Variants in PTPRD observed in about 807,000 individuals in gnomAD.
PTPRD encodes the protein protein tyrosine phosphatase receptor type D, also known as receptor-type tyrosine-protein phosphatase delta.
PTPRD carries 34 observed loss-of-function variants against 214.5 expected under a neutral mutation model. The ratio of observed to expected loss-of-function variants is 0.16; its 90% CI spans 0.12 to 0.21. The LOEUF (loss-of-function observed/expected upper bound fraction) is 0.21, where lower values mean the gene tolerates loss of function less well. Among genes scored for constraint, PTPRD ranks in the 10% least tolerant of loss-of-function variants. PTPRD has a pLI of 1.00. For synonymous variants in PTPRD, 1,128 were observed against 845.7 expected (o/e 1.33, Z -5.79); for missense variants, 2,545 against 2,398.7 (o/e 1.06, Z -1.27).
intron 14 of PTPRD, among the ~76,000 whole-genome samples, chr9:8,592,909 T>C (rs951125848): frequency 4.6e-5 from 7 of 152,220 alleles, no homozygotes; most frequent in Non-Finnish European, 7.3e-5. Context: ...AGGTAGAGGT[T>C]TGACAGAAAG....
At chr9:10,553,139 T>A (rs1217931799) in intron 2 of PTPRD, among the ~76,000 whole-genome samples, 1 of 152,148 alleles carries the variant, frequency 6.6e-6, no homozygotes, top group African/African-American at 2.4e-5. Flanking sequence ...GTTATATTCC[T>A]GTCCATCCAG....
rs111248967 is a variant in PTPRD at position 10,454,810 on chromosome 9, T to TAC, written c.-599-113795_-599-113794dup. Among the ~76,000 whole-genome samples the TAC allele has an allele frequency of 9.9e-3, 1,483 of 150,146 alleles. 12 individuals are homozygous for TAC. Among genetic ancestry groups the TAC allele is most frequent in the African/African-American group, 0.027 (1,128 of 41,064 alleles). On this transcript the variant is annotated intron_variant, in intron 2 of 45. Coordinates refer to ENST00000381196, the MANE Select transcript of PTPRD (RefSeq NM_002839.4). The stretch of plus-strand genomic sequence containing the variant: ...ATTTTTCTTTAATTCTAAAAATGTT[T>TAC]ACACACACACACACACACATGCACA...
intron 12 of PTPRD, among the ~76,000 whole-genome samples, chr9:8,672,487 A>G (rs2097306454): frequency 6.6e-6 from 1 of 152,150 alleles, no homozygotes; most frequent in African/African-American, 2.4e-5. Context: ...GCAGGATGTT[A>G]CAGATATTAA....
intron 8 of PTPRD, among the ~76,000 whole-genome samples, chr9:9,398,471 G>A (rs2068778379): frequency 6.6e-6 from 1 of 151,858 alleles, no homozygotes; most frequent in South Asian, 2.1e-4. Context: ...GATAGCATAT[G>A]GTGCACATTT....
At chr9:8,553,435 A>T (rs1257305556) in intron 14 of PTPRD, among the ~76,000 whole-genome samples, 1 of 152,178 alleles carries the variant, frequency 6.6e-6, no homozygotes, top group African/African-American at 2.4e-5. Flanking sequence ...GTATCTTCTG[A>T]TAAGTTGAAG....
chr9:9,806,352 A>G (rs1261807378), intron 5 of PTPRD, among the ~76,000 whole-genome samples: 3 of 152,080 alleles, frequency 2.0e-5, no homozygotes, highest in African/African-American at 7.2e-5. Flanking sequence ...AGCTGGCCGC[A>G]CCATCGTCAA....
intron 2 of PTPRD, among the ~76,000 whole-genome samples, chr9:10,503,204 A>AC (rs2044441638): frequency 7.5e-6 from 1 of 133,802 alleles, no homozygotes; most frequent in African/African-American, 3.3e-5. Flanking sequence ...AAAAAAAAAA[A>AC]AAACAAAAAA....
chr9:10,063,894 A>G (rs2097827141), intron 3 of PTPRD, among the ~76,000 whole-genome samples: 2 of 152,040 alleles, frequency 1.3e-5, no homozygotes, highest in Admixed American at 6.6e-5. Flanking sequence ...TAGTCCTCAA[A>G]TTACAAAGTT....
intron 30 of PTPRD, among the ~76,000 whole-genome samples, chr9:8,474,929 T>C (rs906777676): frequency 1.3e-5 from 2 of 152,170 alleles, no homozygotes; most frequent in African/African-American, 4.8e-5. Context: ...TTACCATACA[T>C]TGTACTCCTT....
intron 10 of PTPRD, among the ~76,000 whole-genome samples, chr9:9,083,890 A>C (rs1313943761): frequency 6.6e-6 from 1 of 152,188 alleles, no homozygotes; most frequent in Non-Finnish European, 1.5e-5. Flanking sequence ...GATCATTAAA[A>C]AGTCAGGAAA....
chr9:8,940,295 T>G (rs2099024656), intron 11 of PTPRD, among the ~76,000 whole-genome samples: 1 of 136,996 alleles, frequency 7.3e-6, no homozygotes, highest in African/African-American at 2.7e-5. Context: ...TTTTTTTTTT[T>G]TTTTTGAGAT....
intron 2 of PTPRD, among the ~76,000 whole-genome samples, chr9:10,395,590 G>GT (rs2098153211): frequency 1.3e-5 from 2 of 151,890 alleles, no homozygotes; most frequent in East Asian, 2.0e-4. Context: ...AGATATTAAC[G>GT]TTTTGAGAAA....
At chr9:9,576,302 T>C (rs1468504592) in intron 7 of PTPRD, among the ~76,000 whole-genome samples, 1 of 152,182 alleles carries the variant, frequency 6.6e-6, no homozygotes, top group African/African-American at 2.4e-5. Context: ...AGAGGTGATA[T>C]AAAATGTTTC....
chr9:9,534,916 G>C (rs922273253), intron 8 of PTPRD, among the ~76,000 whole-genome samples: 30 of 152,124 alleles, frequency 2.0e-4, no homozygotes, highest in African/African-American at 7.0e-4. Flanking sequence ...CGTATCTGCT[G>C]TGTGCTTACT....
chr9:8,367,789 T>G (rs1466379292), intron 39 of PTPRD, among the ~76,000 whole-genome samples: 1 of 152,188 alleles, frequency 6.6e-6, no homozygotes, highest in Non-Finnish European at 1.5e-5. Flanking sequence ...AAAACAATAA[T>G]TTTTAAAAGT....
At chr9:8,757,313 G>A (rs1231697588) in intron 11 of PTPRD, among the ~76,000 whole-genome samples, 1 of 152,090 alleles carries the variant, frequency 6.6e-6, no homozygotes, top group East Asian at 1.9e-4. Flanking sequence ...GATAATATGT[G>A]TTAAGACCCA....
chr9:9,901,039 T>C (rs939005930), intron 5 of PTPRD, among the ~76,000 whole-genome samples: 3 of 152,154 alleles, frequency 2.0e-5, no homozygotes, highest in African/African-American at 7.2e-5. Context: ...TTCTGCAGGC[T>C]GTACAACAAT....
At chr9:9,282,813 T>G (rs1427209572) in intron 9 of PTPRD, among the ~76,000 whole-genome samples, 2 of 151,504 alleles carry the variant, frequency 1.3e-5, no homozygotes, top group African/African-American at 2.4e-5. Context: ...CCTAATAAAC[T>G]GTTCAAGATT....
intron 11 of PTPRD, among the ~76,000 whole-genome samples, chr9:8,855,870 A>G (rs535090833): frequency 6.6e-6 from 1 of 152,324 alleles, no homozygotes; most frequent in South Asian, 2.1e-4. Flanking sequence ...ACACAATCTG[A>G]CAGCTGAATT....
Sources: gnomAD v4.1 joint callset for allele counts (sites outside exome capture counted in the v4.1 genomes callset) on GRCh38, gnomAD v4.1.1 for gene constraint, MANE v1.5 for transcripts, NCBI Gene and HGNC (gene_info 2026-07-23, HGNC 2026-07-21) for gene names.